Variants in XDH observed in about 807,000 individuals in gnomAD.
The protein encoded by XDH is xanthine dehydrogenase/oxidase.
Under a neutral mutation model 156.1 loss-of-function variants are expected in XDH, and 138 were observed. The ratio of observed to expected loss-of-function variants is 0.88; its 90% CI spans 0.77 to 1.02. The LOEUF (loss-of-function observed/expected upper bound fraction) is 1.02. Ranked by LOEUF, XDH falls within the 50% of genes least tolerant of loss-of-function variation. XDH has a pLI of 0.00. For missense variants in XDH, 1,849 were observed against 1,684.9 expected (o/e 1.10, Z -1.71); for synonymous variants, 669 against 625.7 (o/e 1.07, Z -1.03).
chr2:31,385,750 C>G (rs527542977), intron 9 of XDH, among the ~76,000 whole-genome samples: 1 of 152,342 alleles, frequency 6.6e-6, no homozygotes, highest in East Asian at 1.9e-4. Flanking sequence ...CCAGGCCTCA[C>G]GTCCTAGGTG....
At chr2:31,374,115 G>T (rs1320481974) in intron 15 of XDH, among the ~76,000 whole-genome samples, 159 bp from the exon 16 acceptor site, 1 of 152,160 alleles carries the variant, frequency 6.6e-6, no homozygotes, top group African/African-American at 2.4e-5. Context: ...TCCAAACACG[G>T]GCTCTGAGAG....
In XDH at chr2:31,379,825, G is replaced by A. The variant is rs536187869; in HGVS notation, c.1242+42C>T. On this transcript the variant is annotated intron_variant, in intron 13 of 35. Coordinates refer to ENST00000379416, the MANE Select transcript of XDH (RefSeq NM_000379.4). The stretch of plus-strand genomic sequence containing the variant: ...CTCTTTGTCTAGAGCCTGGCAATAG[G>A]ACTTATTTGAGCAGAGCCTGGAACC... The A allele has an allele frequency of 8.8e-6, 14 of 1,582,582 alleles. No individual in the cohort carries two copies. In the South Asian group the frequency reaches 1.5e-4, roughly 17 times the overall value.
At chr2:31,354,025 T>A (rs1467654685) in intron 24 of XDH, among the ~76,000 whole-genome samples, 1 of 152,158 alleles carries the variant, frequency 6.6e-6, no homozygotes, top group Admixed American at 6.5e-5. Flanking sequence ...TCTGGTTGTG[T>A]CAGAAAAAGT....
chr2:31,379,135 T>C (rs1686359400), intron 13 of XDH, among the ~76,000 whole-genome samples: 4 of 152,088 alleles, frequency 2.6e-5, no homozygotes, highest in Admixed American at 2.6e-4. Context: ...TTTGGATGTG[T>C]TCTGAGCTGG....
chr2:31,346,103 T>A (rs1453497061), intron 30 of XDH, among the ~76,000 whole-genome samples: 2 of 152,176 alleles, frequency 1.3e-5, no homozygotes, highest in African/African-American at 4.8e-5. Context: ...TCTGCCCAGT[T>A]CTACCACTCC....
In XDH at chr2:31,350,099, T is replaced by A. The variant is rs1685424324; in HGVS notation, c.2756A>T (p.Gln919Leu). 1 of 1,614,094 alleles carries A rather than the reference T, an allele frequency of 6.2e-7. No homozygotes were observed. Among genetic ancestry groups the A allele is most frequent in the Non-Finnish European group, 8.5e-7 (1 of 1,180,052 alleles). Residue 919 changes from glutamine to leucine, a missense_variant, in exon 25 of 36, where the codon CAG (glutamine) becomes CTG (leucine). Gln to Leu is a moderately radical substitution (Grantham distance 113). Transcript: ENST00000379416. ...NTAFRGFGGP[Q>L]GMLIAECWMS... Reference sequence around the variant, plus strand: ...CCAGCACTCGGCAATGAGCATCCCCTGGGGCCCCCCAAAGCCCCGGAAGGC... The same window carrying A: ...CCAGCACTCGGCAATGAGCATCCCCAGGGGCCCCCCAAAGCCCCGGAAGGC...
At chr2:31,348,834 T>G (rs1202418734) in intron 27 of XDH, 65 bp downstream of exon 27, 12 of 1,460,490 alleles carry the variant, frequency 8.2e-6, no homozygotes, top group Non-Finnish European at 9.6e-6. Flanking sequence ...CTTGCAATAC[T>G]GTAAACAACA....
At chr2:31,354,207 C>G (rs1558682379) in intron 24 of XDH, among the ~76,000 whole-genome samples, 1 of 152,170 alleles carries the variant, frequency 6.6e-6, no homozygotes, top group Non-Finnish European at 1.5e-5. Flanking sequence ...AAGATTTCTA[C>G]CTCTACCTAG....
intron 31 of XDH, among the ~76,000 whole-genome samples, chr2:31,343,745 T>C (rs1419509595): frequency 2.0e-5 from 3 of 149,416 alleles, no homozygotes; most frequent in Non-Finnish European, 4.5e-5. Flanking sequence ...TATATGTTCA[T>C]ATATAGGGCA....
At chr2:31,345,268 C>A (rs1316458143) in intron 30 of XDH, among the ~76,000 whole-genome samples, 4 of 152,194 alleles carry the variant, frequency 2.6e-5, no homozygotes, top group Admixed American at 2.6e-4. Context: ...CCTCCATTCT[C>A]CCCTCCTTGG....
chr2:31,355,038 G>C (rs943598623), intron 24 of XDH, among the ~76,000 whole-genome samples: 1 of 152,140 alleles, frequency 6.6e-6, no homozygotes, highest in African/African-American at 2.4e-5. Flanking sequence ...AAAGCACCCA[G>C]AGAATATGAC....
At position 31,370,551 on chromosome 2, in the gene XDH, C is replaced by G. The variant is rs1374271175; in HGVS notation, c.1857-73G>C. The G allele has an allele frequency of 3.1e-6, 5 of 1,592,866 alleles. No individual in the cohort carries two copies. The Admixed American group carries it at 5.3e-5, about 17-fold the overall frequency. ...GGGACCCATCACCTGGTTGGACAACCCTGTTCTTATTTTGATTGGCTTGGC... is the reference window on the plus strand; with the variant it reads ...GGGACCCATCACCTGGTTGGACAACGCTGTTCTTATTTTGATTGGCTTGGC... On this transcript the variant is annotated intron_variant, in intron 17 of 35. Coordinates refer to ENST00000379416, the MANE Select transcript of XDH (RefSeq NM_000379.4).
chr2:31,346,857 C>A lies in XDH; in HGVS notation c.3277-14G>T, dbSNP rs1685310427. 9 of 1,613,850 alleles carry A rather than the reference C, an allele frequency of 5.6e-6. No homozygotes were observed. In the East Asian group the frequency reaches 2.0e-4, roughly 36 times the overall value. ...CTGACAAGCCGCCTAAAGTAAACAC[C>A]CCCCACACCCCAGACACATCAGTCC... On this transcript the variant is annotated splice_polypyrimidine_tract_variant and intron_variant, in intron 29 of 35. Coordinates refer to ENST00000379416, the MANE Select transcript of XDH (RefSeq NM_000379.4).
At chr2:31,342,485 G>A (rs914781238) in intron 31 of XDH, among the ~76,000 whole-genome samples, 188 bp from the exon 32 acceptor site, 1 of 152,150 alleles carries the variant, frequency 6.6e-6, no homozygotes, top group Non-Finnish European at 1.5e-5. Flanking sequence ...AGAACATTTT[G>A]TCTCTGGGCC....
chr2:31,340,864 T>C (rs1009148089), intron 33 of XDH, among the ~76,000 whole-genome samples: 3 of 152,172 alleles, frequency 2.0e-5, no homozygotes, highest in African/African-American at 7.2e-5. Context: ...CTTTGTGTTT[T>C]GCTCCCAGGG....
chr2:31,351,503 A>G (rs981261292), intron 24 of XDH, among the ~76,000 whole-genome samples: 7 of 152,250 alleles, frequency 4.6e-5, no homozygotes, highest in African/African-American at 1.7e-4. Flanking sequence ...GCTGTTACCT[A>G]AGGATTTAAA....
At chr2:31,379,782 C>T (rs1686380396) in intron 13 of XDH, 85 bp downstream of exon 13, 1 of 1,372,118 alleles carries the variant, frequency 7.3e-7, no homozygotes, top group Non-Finnish European at 1.0e-6. Context: ...CAGGTTGGTC[C>T]CTGAAGCAGA....
chr2:31,389,383 C>T (rs1334511758), intron 6 of XDH, among the ~76,000 whole-genome samples: 2 of 152,182 alleles, frequency 1.3e-5, no homozygotes, highest in Non-Finnish European at 2.9e-5. Flanking sequence ...ACTCTTCCTG[C>T]ATTCACAGCT....
At position 31,339,563 on chromosome 2, in the gene XDH, C is replaced by A; in HGVS notation, c.3700G>T (p.Gly1234Cys). The change falls in exon 34 of 36, where the codon GGC becomes TGC. Residue 1234 changes from glycine to cysteine, a missense_variant. Physicochemically the swap from Gly to Cys is radical, Grantham distance 159. Coordinates refer to ENST00000379416, the MANE Select transcript of XDH (RefSeq NM_000379.4). ...GPSTYKIPAF[G>C]SIPIEFRVSL... ...ACCCTGAACTCAATGGGGATGCTGC[C>A]AAATGCCGGGATCTTGTAGGTGCTA... is the stretch of plus-strand genomic sequence containing the variant. The A allele has an allele frequency of 6.2e-7, 1 of 1,614,188 alleles. No individual in the cohort carries two copies. The highest frequency in any genetic ancestry group is 1.3e-5 in the African/African-American group (1 of 75,048).
Sources: allele counts gnomAD v4.1 joint callset (sites outside exome capture counted in the v4.1 genomes callset), GRCh38; gene constraint gnomAD v4.1.1; transcripts MANE v1.5; gene names NCBI Gene and HGNC (gene_info 2026-07-23, HGNC 2026-07-21).